The following PCP2 variants were observed in gnomAD, a reference collection of about 807,000 sequenced individuals.
PCP2 encodes the protein Purkinje cell protein 2 homolog.
A neutral mutation model predicts 18.3 loss-of-function variants in PCP2; 21 were observed. The ratio of observed to expected loss-of-function variants is 1.14; its 90% CI spans 0.81 to 1.65. The LOEUF (loss-of-function observed/expected upper bound fraction) is 1.65, where lower values mean the gene tolerates loss of function less well. Among genes scored for constraint, PCP2 ranks in the 40% most tolerant of loss-of-function variants. The probability of loss-of-function intolerance (pLI) is 0.00; values close to 1 mark genes in which losing one functional copy is unlikely to be tolerated. For missense variants in PCP2, 202 were observed against 201.8 expected (o/e 1.00, Z 0.00); for synonymous variants, 85 against 77.6 (o/e 1.10, Z -0.50).
chr19:7,634,846 G>C (rs918433934), upstream of PCP2, among the ~76,000 whole-genome samples: 7 of 152,264 alleles, frequency 4.6e-5, no homozygotes, highest in African/African-American at 1.7e-4. Context: ...TGTCACTGCA[G>C]CTCTTCACTC....
chr19:7,633,433 C>G lies in PCP2; in HGVS notation c.25G>C (p.Glu9Gln). 6.3e-7 allele frequency: 1 copy of G among 1,577,452 alleles called. No homozygotes were observed. The highest frequency in any genetic ancestry group is 1.3e-5 in the African/African-American group (1 of 74,346). Residue 9 changes from glutamate to glutamine, a missense_variant, in exon 1 of 4, where the codon GAG becomes CAG. Glu to Gln is a conservative substitution (Grantham distance 29). Coordinates refer to ENST00000311069, the MANE Select transcript of PCP2 (RefSeq NM_174895.3). MMDQEEKT[E>Q]EGSGPCAEAG... ...TCGGCACAGGGGCCTGAGCCTTCCT[C>G]CGTCTTCTCCTCCTGATCCATCATG...
chr19:7,632,635 C>T lies in PCP2; in HGVS notation c.166+81G>A. 1 of 1,571,324 alleles carries T rather than the reference C, an allele frequency of 6.4e-7. No individual in the cohort carries two copies. The highest frequency in any genetic ancestry group is 8.6e-7 in the Non-Finnish European group (1 of 1,161,590). ...CAACCACCTCCCACATCCCGTGCCCCCAGGCCCTCCAGATGACCACTTGCC... is the reference window on the plus strand; with the variant it reads ...CAACCACCTCCCACATCCCGTGCCCTCAGGCCCTCCAGATGACCACTTGCC... On this transcript the variant is annotated intron_variant, in intron 2 of 3. Coordinates refer to ENST00000311069, the MANE Select transcript of PCP2 (RefSeq NM_174895.3). This position sits in a 1 kb window ranked among gnomAD's most constrained non-coding sequence, Gnocchi z 5.2.
chr19:7,632,102 TG>T lies in PCP2; in HGVS notation c.291+290del. 1 of 566,174 alleles carries T rather than the reference TG, an allele frequency of 1.8e-6. No individual in the cohort carries two copies. Among genetic ancestry groups the T allele is most frequent in the Non-Finnish European group, 3.1e-6 (1 of 323,688 alleles). 35.1% of individuals were successfully genotyped at this position (566,174 alleles called of 1,614,324 possible). A position where few individuals can be genotyped will look rare whatever the true frequency, so the allele number is the denominator to read the frequency against. On this transcript the variant is annotated intron_variant, in intron 3 of 3. Coordinates refer to ENST00000311069, the MANE Select transcript of PCP2 (RefSeq NM_174895.3). The surrounding 1 kb of genome is among the most constrained non-coding windows in gnomAD (Gnocchi z 5.2). ...GTGTGAGCTTACGTGACTTCCTCCC[TG>T]GGATACTTTCCTAGGAAGGGGTCCT...
Position 7,633,690 on chromosome 19 carries a change from T to C in PCP2, c.-233A>G, listed in dbSNP as rs2031430818. On this transcript the variant is annotated 5_prime_UTR_variant, in exon 1 of 4. Transcript: ENST00000311069. ...GGTAGGGGGCAGGGCGACCTGAGCT[T>C]GGACCTCGCTGTGCCCAGCAGCAAT... 3.5e-6 allele frequency: 2 copies of C among 573,664 alleles called. No homozygotes were observed. The highest frequency in any genetic ancestry group is 2.1e-5 in the South Asian group (1 of 46,692). 35.5% of individuals were successfully genotyped at this position (573,664 alleles called of 1,614,324 possible).
At chr19:7,634,394 C>T (rs1257598867), upstream of PCP2, among the ~76,000 whole-genome samples, 1 of 152,242 alleles carries the variant, frequency 6.6e-6, no homozygotes, top group Non-Finnish European at 1.5e-5. Flanking sequence ...CGAGCCTCCT[C>T]TGTTCCACAA....
Position 7,632,958 on chromosome 19 carries a change from T to C in PCP2, c.52-128A>G, listed in dbSNP as rs2031391299. On this transcript the variant is annotated intron_variant, in intron 1 of 3. Coordinates refer to ENST00000311069, the MANE Select transcript of PCP2 (RefSeq NM_174895.3). The surrounding 1 kb of genome is among the most constrained non-coding windows in gnomAD (Gnocchi z 5.2). ...CCCACTTCCTCAGCTCTCACCATGG[T>C]CCCCGCCGATCCTCTCTGCAGAGCT... 5 of 1,468,114 alleles carry C rather than the reference T, an allele frequency of 3.4e-6. No homozygotes were observed. Among genetic ancestry groups the C allele is most frequent in the Middle Eastern group, 1.8e-4 (1 of 5,480 alleles). The allele number at this position is 1,468,114 out of a possible 1,614,324, so 90.9% of individuals were successfully genotyped here.
At position 7,632,956 on chromosome 19, in the gene PCP2, G is replaced by C. The variant is rs1320583570; in HGVS notation, c.52-126C>G. 6.8e-7 allele frequency: 1 copy of C among 1,473,238 alleles called. No individual in the cohort carries two copies. The highest frequency in any genetic ancestry group is 2.3e-5 in the Admixed American group (1 of 43,386). The allele number at this position is 1,473,238 out of a possible 1,614,324, so 91.3% of individuals were successfully genotyped here. On this transcript the variant is annotated intron_variant, in intron 1 of 3. Transcript: ENST00000311069. The surrounding 1 kb of genome is among the most constrained non-coding windows in gnomAD (Gnocchi z 5.2). The stretch of plus-strand genomic sequence containing the variant: ...TCCCCACTTCCTCAGCTCTCACCAT[G>C]GTCCCCGCCGATCCTCTCTGCAGAG...
intron 3 of PCP2, 48 bp from the exon 4 acceptor site, chr19:7,631,856 C>G (rs768618227): frequency 3.7e-6 from 5 of 1,369,700 alleles, no homozygotes; most frequent in Non-Finnish European, 4.7e-6. Context: ...AGGGCAGTGC[C>G]GGCCACAGGT....
At chr19:7,634,917 C>T (rs2031468509), upstream of PCP2, among the ~76,000 whole-genome samples, 1 of 152,080 alleles carries the variant, frequency 6.6e-6, no homozygotes, top group South Asian at 2.1e-4. Flanking sequence ...TACCCATTTC[C>T]CCACCCCCCC....
upstream of PCP2, chr19:7,636,513 C>T (rs916020583): frequency 1.3e-5 from 2 of 152,180 alleles, no homozygotes; most frequent in African/African-American, 4.8e-5. Context: ...GGACAGGCTC[C>T]TGGCTTGAAC....
At chr19:7,635,570 C>T (rs1026424986), upstream of PCP2, among the ~76,000 whole-genome samples, 11 of 152,102 alleles carry the variant, frequency 7.2e-5, no homozygotes, top group Non-Finnish European at 5.9e-5. Context: ...GTGGCGTGCA[C>T]CTGTAGTCCC....
rs141862508 is a variant in PCP2 at position 7,631,799 on chromosome 19, G to A, written c.301C>T (p.Gln101Ter). The A allele has an allele frequency of 1.3e-5, 19 of 1,423,468 alleles. No individual in the cohort carries two copies. Among genetic ancestry groups the A allele is most frequent in the Admixed American group, 8.0e-5 (3 of 37,290 alleles). The allele number at this position is 1,423,468 out of a possible 1,614,324, so 88.2% of individuals were successfully genotyped here. ...GGACTGAGGGTCCCAGCTCGTTTCTGTGCTCCGTCCTGTGGATGAAGAGGG... is the reference window on the plus strand; with the variant it reads ...GGACTGAGGGTCCCAGCTCGTTTCTATGCTCCGTCCTGTGGATGAAGAGGG... The part of the protein sequence containing the change: ...FQPVGSKDGA[Q>*]KRAGTLSPQP... The change falls in exon 4 of 4, where the codon CAG (glutamine) becomes TAG (stop). Residue 101 changes from glutamine to a stop codon, truncating the protein, a stop_gained. Coordinates refer to ENST00000311069, the MANE Select transcript of PCP2 (RefSeq NM_174895.3). LOFTEE classifies it high-confidence loss of function.
In PCP2 at chr19:7,632,683, C is replaced by A; in HGVS notation, c.166+33G>T. On this transcript the variant is annotated intron_variant, in intron 2 of 3. Coordinates refer to ENST00000311069, the MANE Select transcript of PCP2 (RefSeq NM_174895.3). This position sits in a 1 kb window ranked among gnomAD's most constrained non-coding sequence, Gnocchi z 5.2. ...GCCCTGCACTCCCACCCCGTTCACG[C>A]CCCATGGACAGCACCCCCGTGCCCA... 2 of 1,549,120 alleles carry A rather than the reference C, an allele frequency of 1.3e-6. No homozygotes were observed. Among genetic ancestry groups the A allele is most frequent in the East Asian group, 2.4e-5 (1 of 41,654 alleles).
chr19:7,633,544 G>A lies in PCP2; in HGVS notation c.-87C>T. 2 of 1,323,344 alleles carry A rather than the reference G, an allele frequency of 1.5e-6. No individual in the cohort carries two copies. The highest frequency in any genetic ancestry group is 2.1e-6 in the Non-Finnish European group (2 of 944,704). 82.0% of individuals were successfully genotyped at this position (1,323,344 alleles called of 1,614,324 possible). ...TTTTAAACGTCCAGGACGTGGGGGT[G>A]TGGATTCCCCCCATCCCCAAATCCC... On this transcript the variant is annotated 5_prime_UTR_variant, in exon 1 of 4. Coordinates refer to ENST00000311069, the MANE Select transcript of PCP2 (RefSeq NM_174895.3).
Position 7,633,534 on chromosome 19 carries a change from A to G in PCP2, c.-77T>C. The G allele has an allele frequency of 1.4e-6, 2 of 1,448,262 alleles. No homozygotes were observed. The highest frequency in any genetic ancestry group is 2.5e-5 in the South Asian group (2 of 80,996). The allele number at this position is 1,448,262 out of a possible 1,614,324, so 89.7% of individuals were successfully genotyped here. On this transcript the variant is annotated 5_prime_UTR_variant, in exon 1 of 4. Coordinates refer to ENST00000311069, the MANE Select transcript of PCP2 (RefSeq NM_174895.3). ...AGAGAGGGCCTTTTAAACGTCCAGG[A>G]CGTGGGGGTGTGGATTCCCCCCATC... is the stretch of plus-strand genomic sequence containing the variant.
Position 7,632,960 on chromosome 19 carries a change from C to T in PCP2, c.52-130G>A, listed in dbSNP as rs892136304. 1.4e-6 allele frequency: 2 copies of T among 1,470,698 alleles called. No homozygotes were observed. The highest frequency in any genetic ancestry group is 4.7e-5 in the Admixed American group (2 of 42,508). 91.1% of individuals were successfully genotyped at this position (1,470,698 alleles called of 1,614,324 possible). On this transcript the variant is annotated intron_variant, in intron 1 of 3. Transcript: ENST00000311069. The surrounding 1 kb of genome is among the most constrained non-coding windows in gnomAD (Gnocchi z 5.2). ...CACTTCCTCAGCTCTCACCATGGTC[C>T]CCGCCGATCCTCTCTGCAGAGCTGT...
chr19:7,632,668 C>A lies in PCP2; in HGVS notation c.166+48G>T. ...TCCAGATGACCACTTGCCCTGCACT[C>A]CCACCCCGTTCACGCCCCATGGACA... On this transcript the variant is annotated intron_variant, in intron 2 of 3. Transcript: ENST00000311069. The surrounding 1 kb of genome is among the most constrained non-coding windows in gnomAD (Gnocchi z 5.2). 6.4e-7 allele frequency: 1 copy of A among 1,553,162 alleles called. No individual in the cohort carries two copies. Among genetic ancestry groups the A allele is most frequent in the Non-Finnish European group, 8.7e-7 (1 of 1,154,060 alleles).
rs1314670987 is a variant in PCP2, at chr19:7,632,770, T to G, written c.112A>C (p.Met38Leu). 6.4e-7 allele frequency: 1 copy of G among 1,568,204 alleles called. No individual in the cohort carries two copies. Among genetic ancestry groups the G allele is most frequent in the African/African-American group, 1.4e-5 (1 of 73,902 alleles). The change falls in exon 2 of 4, where the codon ATG (methionine) becomes CTG (leucine). Residue 38 changes from methionine to leucine, a missense_variant. Physicochemically the swap from Met to Leu is conservative, Grantham distance 15. Transcript: ENST00000311069. The surrounding 1 kb of genome is among the most constrained non-coding windows in gnomAD (Gnocchi z 5.2). ...TGCAGTGAACAGCGCTGTCCCTCCATCCGGTCGCCCTGCACGTGGCTCAGC... is the reference window on the plus strand; with the variant it reads ...TGCAGTGAACAGCGCTGTCCCTCCAGCCGGTCGCCCTGCACGTGGCTCAGC... ...NLLSHVQGDRMEGQRCSLQAG... is the reference protein window; with the variant it reads ...NLLSHVQGDRLEGQRCSLQAG...
Position 7,633,569 on chromosome 19 carries a change from C to A in PCP2, c.-112G>T. On this transcript the variant is annotated 5_prime_UTR_variant, in exon 1 of 4. Transcript: ENST00000311069. ...GTGGATTCCCCCCATCCCCAAATCC[C>A]CAGCTCATGCCCCATCTGCTCCCAC... 1 of 999,268 alleles carries A rather than the reference C, an allele frequency of 1.0e-6. No individual in the cohort carries two copies. Among genetic ancestry groups the A allele is most frequent in the South Asian group, 1.5e-5 (1 of 67,102 alleles). 61.9% of individuals were successfully genotyped at this position (999,268 alleles called of 1,614,324 possible). A position where few individuals can be genotyped will look rare whatever the true frequency, so the allele number is the denominator to read the frequency against.
Sources: gnomAD v4.1 joint callset for allele counts (sites outside exome capture counted in the v4.1 genomes callset) on GRCh38, gnomAD v4.1.1 for gene constraint, Gnocchi (gnomAD v3.1) non-coding constraint, MANE v1.5 for transcripts, NCBI Gene and HGNC (gene_info 2026-07-23, HGNC 2026-07-21) for gene names.